Variants in ADAM18 observed in about 807,000 individuals in gnomAD.
ADAM18 encodes the protein disintegrin and metalloproteinase domain-containing protein 18.
A neutral mutation model predicts 94.4 loss-of-function variants in ADAM18; 117 were observed. The observed-to-expected ratio is 1.24, with a 90% CI of 1.07 to 1.45. The LOEUF (loss-of-function observed/expected upper bound fraction) is 1.45, where lower values mean the gene tolerates loss of function less well. Among genes scored for constraint, ADAM18 ranks in the 40% most tolerant of loss-of-function variants. The probability of loss-of-function intolerance (pLI) is 0.00; values close to 1 mark genes in which losing one functional copy is unlikely to be tolerated. For missense variants in ADAM18, 936 were observed against 880.0 expected (o/e 1.06, Z -0.81); for synonymous variants, 327 against 291.6 (o/e 1.12, Z -1.24).
chr8:39,654,984 G>T (rs1323756815), intron 12 of ADAM18, among the ~76,000 whole-genome samples: 1 of 151,576 alleles, frequency 6.6e-6, no homozygotes, highest in African/African-American at 2.4e-5. Context: ...CATTCTTTAG[G>T]TTGTCTCTTC....
rs57734705 is a variant in ADAM18, at chr8:39,611,731, G to GA, written c.522+1035dup. On this transcript the variant is annotated intron_variant, in intron 6 of 19. Coordinates refer to ENST00000265707, the MANE Select transcript of ADAM18 (RefSeq NM_014237.3). ...ATTAAATCATTATCCAACATGTGGA[G>GA]AAAAAAAAAAGTGCCTATAGGTTGT... Among the ~76,000 whole-genome samples the GA allele has an allele frequency of 2.9e-3, 426 of 147,850 alleles. 2 individuals carry two copies. Among genetic ancestry groups the GA allele is most frequent in the African/African-American group, 9.8e-3 (395 of 40,474 alleles).
intron 16 of ADAM18, among the ~76,000 whole-genome samples, chr8:39,689,946 G>T (rs1016903540): frequency 3.3e-5 from 5 of 152,150 alleles, no homozygotes; most frequent in African/African-American, 1.2e-4. Context: ...GGTATTCTGT[G>T]TGTGTGTGCG....
At chr8:39,702,893 A>T (rs1255777248) in intron 17 of ADAM18, among the ~76,000 whole-genome samples, 1 of 152,020 alleles carries the variant, frequency 6.6e-6, no homozygotes, top group Non-Finnish European at 1.5e-5. Flanking sequence ...TAGTCCTGTG[A>T]TATAGTTTGA....
chr8:39,674,557 G>C (rs547419878), intron 14 of ADAM18, among the ~76,000 whole-genome samples: 11 of 152,042 alleles, frequency 7.2e-5, no homozygotes, highest in Non-Finnish European at 1.0e-4. Flanking sequence ...CATGCTGATG[G>C]GTCTTGACTC....
Position 39,610,630 on chromosome 8 carries a change from A to T in ADAM18, c.446A>T (p.Asn149Ile), listed in dbSNP as rs759110523. 6.2e-7 allele frequency: 1 copy of T among 1,613,232 alleles called. No individual in the cohort carries two copies. Among genetic ancestry groups the T allele is most frequent in the Admixed American group, 1.7e-5 (1 of 59,984 alleles). The stretch of plus-strand genomic sequence containing the variant: ...TATCAAATGAAAAATAATGATCCAA[A>T]TGTATCCATTTTAGCAGTAAATTAC... Reference protein sequence around the residue: ...IIYQMKNNDPNVSILAVNYSH... With the variant: ...IIYQMKNNDPIVSILAVNYSH... The change falls in exon 6 of 20, where the codon AAT (asparagine) becomes ATT (isoleucine). Residue 149 changes from asparagine to isoleucine, a missense_variant. Physicochemically the swap from Asn to Ile is moderately radical, Grantham distance 149. Transcript: ENST00000265707.
intron 6 of ADAM18, among the ~76,000 whole-genome samples, chr8:39,616,844 T>A (rs1022466902): frequency 6.6e-6 from 1 of 152,110 alleles, no homozygotes; most frequent in Non-Finnish European, 1.5e-5. Flanking sequence ...ACCCCTTCCT[T>A]TCACAATATA....
chr8:39,668,214 G>A lies in ADAM18; in HGVS notation c.1525+18G>A, dbSNP rs547261692. 67 of 1,611,342 alleles carry A rather than the reference G, an allele frequency of 4.2e-5. No homozygotes were observed. In the Middle Eastern group the frequency reaches 5.0e-4, roughly 12 times the overall value. ...TGGAAAAGGTATTGCTCTTTCTTTCGTATTTATTTTACCTTACATTTGCAT... is the reference window on the plus strand; with the variant it reads ...TGGAAAAGGTATTGCTCTTTCTTTCATATTTATTTTACCTTACATTTGCAT... On this transcript the variant is annotated intron_variant, in intron 14 of 19. Coordinates refer to ENST00000265707, the MANE Select transcript of ADAM18 (RefSeq NM_014237.3).
chr8:39,677,448 T>G lies in ADAM18; in HGVS notation c.1543T>G (p.Phe515Val). 6.2e-7 allele frequency: 1 copy of G among 1,606,730 alleles called. No homozygotes were observed. The highest frequency in any genetic ancestry group is 8.5e-7 in the Non-Finnish European group (1 of 1,178,478). Reference sequence around the variant, plus strand: ...ATTTTAAGGTGCTCAAGGTGCTCCATTTGCCTGTTTTAAAGAAGTTAATTC... The same window carrying G: ...ATTTTAAGGTGCTCAAGGTGCTCCAGTTGCCTGTTTTAAAGAAGTTAATTC... ...IFGKGAQGAP[F>V]ACFKEVNSLH... is the part of the protein sequence containing the mutation. Residue 515 changes from phenylalanine (F) to valine (V), a missense_variant, in exon 15 of 20, where the codon TTT becomes GTT. Phe to Val is a conservative substitution (Grantham distance 50). Coordinates refer to ENST00000265707, the MANE Select transcript of ADAM18 (RefSeq NM_014237.3).
At chr8:39,683,545 T>C (rs1302587714) in intron 16 of ADAM18, among the ~76,000 whole-genome samples, 1 of 152,242 alleles carries the variant, frequency 6.6e-6, no homozygotes, top group Non-Finnish European at 1.5e-5. Context: ...ACCAGCAGTG[T>C]GTAAGTGAGC....
intron 18 of ADAM18, among the ~76,000 whole-genome samples, chr8:39,711,444 C>T (rs1380934270): frequency 1.3e-5 from 2 of 152,084 alleles, no homozygotes; most frequent in African/African-American, 4.8e-5. Flanking sequence ...GCTCAAAAAT[C>T]AGACTTACAA....
At chr8:39,584,723 G>A in intron 1 of ADAM18, 46 bp downstream of exon 1, 3 of 1,597,962 alleles carry the variant, frequency 1.9e-6, no homozygotes, top group Non-Finnish European at 2.6e-6. Flanking sequence ...TTTATAGCTG[G>A]GCTGGGCTCT....
chr8:39,585,302 A>G lies in ADAM18; in HGVS notation c.82A>G (p.Thr28Ala). ...EGSEGIFLHV[T>A]VPRKIKSNDS... ...TTCTGAAGGAATATTTCTGCATGTC[A>G]CAGTTCCACGGAAGATTAAGTCAAA... Residue 28 changes from threonine to alanine, a missense_variant, in exon 2 of 20, where the codon ACA (threonine) becomes GCA (alanine). Physicochemically the swap from Thr to Ala is moderately conservative, Grantham distance 58. Transcript: ENST00000265707. 1.2e-6 allele frequency: 2 copies of G among 1,613,530 alleles called. No homozygotes were observed. The highest frequency in any genetic ancestry group is 2.2e-5 in the South Asian group (2 of 90,900).
In ADAM18 at chr8:39,609,564, A is replaced by AAT. The variant is rs1375270106; in HGVS notation, c.344+5_344+6dup. On this transcript the variant is annotated splice_donor_region_variant and intron_variant, in intron 5 of 19. Transcript: ENST00000265707. ...CTCAGTATATGTTCTGGTCTCAGGT[A>AAT]ATAGCACCTTATAAGAAATCTATAG... 6.3e-7 allele frequency: 1 copy of AAT among 1,596,800 alleles called. No individual in the cohort carries two copies. Among genetic ancestry groups the AAT allele is most frequent in the Non-Finnish European group, 8.6e-7 (1 of 1,167,802 alleles).
chr8:39,637,231 A>G (rs1047906657), intron 7 of ADAM18, 33 bp from the exon 8 acceptor site: 9 of 1,465,548 alleles, frequency 6.1e-6, no homozygotes, highest in Non-Finnish European at 8.4e-6. Context: ...ATTCAAAATA[A>G]TACTTTCATG....
At chr8:39,614,220 A>G (rs1819366518) in intron 6 of ADAM18, among the ~76,000 whole-genome samples, 2 of 152,196 alleles carry the variant, frequency 1.3e-5, no homozygotes, top group Non-Finnish European at 2.9e-5. Context: ...TTGCAAATAG[A>G]GACAAGGGAC....
chr8:39,674,130 C>T (rs748867703), intron 14 of ADAM18, among the ~76,000 whole-genome samples: 11 of 152,206 alleles, frequency 7.2e-5, no homozygotes, highest in African/African-American at 2.6e-4. Flanking sequence ...CTGTAGATGT[C>T]TATTAGTCCT....
At chr8:39,720,815 G>A (rs1418571385) in intron 18 of ADAM18, among the ~76,000 whole-genome samples, 2 of 151,168 alleles carry the variant, frequency 1.3e-5, no homozygotes. Context: ...GAAAATCACT[G>A]GAAATATTTA....
At chr8:39,622,037 C>T (rs1056302656) in intron 6 of ADAM18, among the ~76,000 whole-genome samples, 2 of 152,042 alleles carry the variant, frequency 1.3e-5, no homozygotes, top group Admixed American at 1.3e-4. Context: ...ACATGTTTAC[C>T]TATGTAACAG....
chr8:39,668,478 A>T (rs934400392), intron 14 of ADAM18, among the ~76,000 whole-genome samples: 3 of 152,172 alleles, frequency 2.0e-5, no homozygotes, highest in Admixed American at 2.0e-4. Flanking sequence ...TAAAATCAGT[A>T]GATTCTAAAA....
Sources: gnomAD v4.1 joint callset for allele counts (sites outside exome capture counted in the v4.1 genomes callset) on GRCh38, gnomAD v4.1.1 for gene constraint, MANE v1.5 for transcripts, NCBI Gene and HGNC (gene_info 2026-07-23, HGNC 2026-07-21) for gene names.